Variants in GRIP1 observed in about 807,000 individuals in gnomAD.
GRIP1 encodes the protein glutamate receptor-interacting protein 1.
GRIP1 carries 45 observed loss-of-function variants against 129.9 expected under a neutral mutation model. That is an observed-to-expected ratio of 0.35 (90% confidence interval 0.27 to 0.44). The LOEUF is 0.44. Among genes scored for constraint, GRIP1 ranks in the 20% least tolerant of loss-of-function variants. The pLI, the probability that GRIP1 is intolerant of heterozygous loss-of-function variation, is 1.00. For missense variants in GRIP1, 1,196 were observed against 1,396.8 expected, an observed-to-expected ratio of 0.86 and a Z score of 2.29; for synonymous variants, 530 against 520.8, an observed-to-expected ratio of 1.02 and a Z score of -0.24.
chr12:66,540,478 G>A (rs867137414), intron 3 of GRIP1, among the ~76,000 whole-genome samples: 7 of 152,192 alleles, frequency 4.6e-5, no homozygotes, highest in Admixed American at 1.3e-4. Context: ...AACTGGCCAT[G>A]ATTGTTATAA....
chr12:66,355,827 C>T (rs559388601), intron 23 of GRIP1, among the ~76,000 whole-genome samples: 25 of 152,180 alleles, frequency 1.6e-4, no homozygotes, highest in Admixed American at 6.5e-4. Context: ...AGTATTTTGA[C>T]GGACAGAAAG....
chr12:66,448,631 C>T (rs1181872086), intron 11 of GRIP1, among the ~76,000 whole-genome samples: 2 of 152,090 alleles, frequency 1.3e-5, no homozygotes, highest in East Asian at 3.9e-4. Context: ...AATGGATATC[C>T]CATCCACAAA....
chr12:66,470,630 G>A (rs985427268), intron 7 of GRIP1, among the ~76,000 whole-genome samples: 1 of 152,136 alleles, frequency 6.6e-6, no homozygotes, highest in Admixed American at 6.5e-5. Context: ...AGGGGACTCT[G>A]GGCAAATTAT....
chr12:66,503,256 G>C (rs1476480382), intron 7 of GRIP1, among the ~76,000 whole-genome samples: 1 of 152,128 alleles, frequency 6.6e-6, no homozygotes. Context: ...AGACAAAATG[G>C]TGGACTATGA....
Position 66,591,575 on chromosome 12 carries a change from G to T in GRIP1, c.136+5272C>A, listed in dbSNP as rs574372972. The stretch of plus-strand genomic sequence containing the variant: ...TTTGTATGACATTTCATACTTGCTT[G>T]ATTCAACTGACTTTGGTTTCTCATC... On this transcript the variant is annotated intron_variant, in intron 2 of 24. Transcript: ENST00000359742. Among the ~76,000 whole-genome samples, 8 of 152,198 alleles carry T rather than the reference G, an allele frequency of 5.3e-5. No individual in the cohort carries two copies. In the East Asian group the frequency reaches 1.5e-3, roughly 29 times the overall value.
At chr12:66,597,607 A>C (rs1171504110) in intron 1 of GRIP1, among the ~76,000 whole-genome samples, 1 of 152,206 alleles carries the variant, frequency 6.6e-6, no homozygotes, top group Non-Finnish European at 1.5e-5. Context: ...AGAGATGAAA[A>C]TAACTTGCAG....
rs7133397 is a variant in GRIP1 at position 66,353,389 on chromosome 12, G to A, written c.3159+28C>T. 6,741 of 1,546,126 alleles carry A rather than the reference G, an allele frequency of 4.4e-3. 245 individuals are homozygous for A. In the African/African-American group the frequency reaches 0.076, roughly 17 times the overall value. On this transcript the variant is annotated intron_variant, in intron 24 of 24. Transcript: ENST00000359742. ...GCTCCCAGTGAGAAATTACTTGCAAGGAATTAAAATTCCACCTGAGGTCTT... is the reference window on the plus strand; with the variant it reads ...GCTCCCAGTGAGAAATTACTTGCAAAGAATTAAAATTCCACCTGAGGTCTT...
intron 1 of GRIP1, among the ~76,000 whole-genome samples, chr12:67,026,573 G>A (rs796807445): frequency 1.4e-4 from 21 of 152,282 alleles, no homozygotes; most frequent in African/African-American, 4.8e-4. Context: ...TATTTCTATT[G>A]AAGCTGGCTT....
chr12:66,439,810 T>C (rs1404033282), intron 13 of GRIP1, among the ~76,000 whole-genome samples: 1 of 152,232 alleles, frequency 6.6e-6, no homozygotes, highest in Non-Finnish European at 1.5e-5. Flanking sequence ...CTAGTTCTTC[T>C]GTTGAACCTT....
At chr12:66,819,406 A>C (rs756177847) in intron 1 of GRIP1, among the ~76,000 whole-genome samples, 1 of 152,220 alleles carries the variant, frequency 6.6e-6, no homozygotes, top group Non-Finnish European at 1.5e-5. Flanking sequence ...AAGTAATTAC[A>C]CTATATTATT....
chr12:66,446,418 TAACTAA>T (rs570088007), intron 11 of GRIP1, among the ~76,000 whole-genome samples: 264 of 152,088 alleles, frequency 1.7e-3, no homozygotes, highest in Middle Eastern at 6.8e-3. Context: ...TGGCCCCCTT[TAACTAA>T]AACCTGATAA....
intron 1 of GRIP1, among the ~76,000 whole-genome samples, chr12:66,833,053 A>C (rs1233193804): frequency 6.6e-6 from 1 of 152,314 alleles, no homozygotes; most frequent in Middle Eastern, 3.4e-3. Flanking sequence ...GCAGAATCTA[A>C]TCCTAGAATT....
intron 7 of GRIP1, among the ~76,000 whole-genome samples, chr12:66,495,619 C>G (rs1317274735): frequency 6.6e-6 from 1 of 152,086 alleles, no homozygotes; most frequent in Admixed American, 6.5e-5. Flanking sequence ...TTCAGCGTGA[C>G]TGACCAAACT....
chr12:66,905,167 T>A (rs2040910848), intron 1 of GRIP1, among the ~76,000 whole-genome samples: 1 of 152,220 alleles, frequency 6.6e-6, no homozygotes, highest in Non-Finnish European at 1.5e-5. Flanking sequence ...AGGCTGTTTG[T>A]GTTTCCTTTT....
chr12:66,402,113 C>G (rs1343148737), intron 16 of GRIP1, among the ~76,000 whole-genome samples: 1 of 152,160 alleles, frequency 6.6e-6, no homozygotes, highest in Non-Finnish European at 1.5e-5. Context: ...GCCATGCTCT[C>G]CCTAACTTTC....
At chr12:66,393,515 G>C (rs1419072721) in intron 17 of GRIP1, among the ~76,000 whole-genome samples, 1 of 152,034 alleles carries the variant, frequency 6.6e-6, no homozygotes, top group Non-Finnish European at 1.5e-5. Flanking sequence ...CCAACATTTT[G>C]CAATGCTGTG....
At chr12:66,662,455 G>A (rs2033566888) in intron 1 of GRIP1, among the ~76,000 whole-genome samples, 2 of 152,136 alleles carry the variant, frequency 1.3e-5, no homozygotes, top group South Asian at 4.2e-4. Context: ...GGGCAAAAAA[G>A]GGAACTTTAA....
intron 2 of GRIP1, among the ~76,000 whole-genome samples, chr12:66,574,662 A>G (rs997995545): frequency 6.6e-6 from 1 of 152,200 alleles, no homozygotes; most frequent in Non-Finnish European, 1.5e-5. Flanking sequence ...AACATCTTCA[A>G]CATGCATCTC....
intron 1 of GRIP1, among the ~76,000 whole-genome samples, chr12:66,644,850 T>C (rs1181250916): frequency 1.3e-5 from 2 of 152,228 alleles, no homozygotes; most frequent in African/African-American, 2.4e-5. Context: ...GTTTTCATAA[T>C]AGTCTAAAAT....
Sources: gnomAD v4.1 joint callset for allele counts (sites outside exome capture counted in the v4.1 genomes callset) on GRCh38, gnomAD v4.1.1 for gene constraint, MANE v1.5 for transcripts, NCBI Gene and HGNC (gene_info 2026-07-23, HGNC 2026-07-21) for gene names.